Variants in ACAP3 observed in about 807,000 individuals in gnomAD.
ACAP3 encodes the protein ArfGAP with coiled-coil, ankyrin repeat and PH domains 3, also known as arf-GAP with coiled-coil, ANK repeat and PH domain-containing protein 3.
Under a neutral mutation model 104.1 loss-of-function variants are expected in ACAP3, and 56 were observed. The observed-to-expected ratio is 0.54, with a 90% CI of 0.43 to 0.67. The LOEUF (loss-of-function observed/expected upper bound fraction) is 0.67, where lower values mean the gene tolerates loss of function less well. Among genes scored for constraint, ACAP3 ranks in the 30% least tolerant of loss-of-function variants. The probability of loss-of-function intolerance (pLI) is 0.00; values close to 1 mark genes in which losing one functional copy is unlikely to be tolerated. For missense variants in ACAP3, 1,208 were observed against 1,174.9 expected (o/e 1.03, Z -0.41); for synonymous variants, 628 against 496.2 (o/e 1.27, Z -3.53).
At chr1:1,299,118 C>T (rs1362055951) in intron 10 of ACAP3, 2 of 609,458 alleles carry the variant, frequency 3.3e-6, no homozygotes, top group African/African-American at 3.9e-5. Context: ...GGGGCGGCCA[C>T]CTGCTCCCCA....
chr1:1,294,299 C>T (rs1052565839), intron 21 of ACAP3, 100 bp from the exon 22 acceptor site: 46 of 1,513,094 alleles, frequency 3.0e-5, no homozygotes, highest in Middle Eastern at 1.7e-4. Flanking sequence ...CGGGACCGAA[C>T]GTGGTCCCCA....
At chr1:1,299,173 G>A (rs896465236) in intron 10 of ACAP3, 172 bp downstream of exon 10, 2 of 847,274 alleles carry the variant, frequency 2.4e-6, no homozygotes, top group African/African-American at 1.7e-5. Context: ...ACCCCACGGG[G>A]AATGTGGAGG....
In ACAP3 at chr1:1,294,442, T is replaced by C; in HGVS notation, c.2099A>G (p.Glu700Gly). The C allele has an allele frequency of 6.3e-7, 1 of 1,575,450 alleles. No homozygotes were observed. Among genetic ancestry groups the C allele is most frequent in the Non-Finnish European group, 8.6e-7 (1 of 1,166,764 alleles). Reference sequence around the variant, plus strand: ...CACCAGCGGCGTCTTGCCCTCATCCTCCGCGTCCGCCCAGTTGACCTCGGC... The same window carrying C: ...CACCAGCGGCGTCTTGCCCTCATCCCCCGCGTCCGCCCAGTTGACCTCGGC... ...HGAEVNWADA[E>G]DEGKTPLVQA... Residue 700 changes from glutamate to glycine, a missense_variant, in exon 21 of 24, where the codon GAG (glutamate) becomes GGG (glycine). Physicochemically the swap from Glu to Gly is moderately conservative, Grantham distance 98. Coordinates refer to ENST00000354700, the MANE Select transcript of ACAP3 (RefSeq NM_030649.3).
intron 1 of ACAP3, among the ~76,000 whole-genome samples, chr1:1,306,633 G>A (rs374700651): frequency 3.3e-5 from 5 of 152,170 alleles, no homozygotes; most frequent in African/African-American, 9.7e-5. Flanking sequence ...ATGCTGACTT[G>A]CCAGCAGATC....
Position 1,299,960 on chromosome 1 carries a change from C to T in ACAP3, c.663+13G>A, listed in dbSNP as rs1641372732. The T allele has an allele frequency of 6.2e-7, 1 of 1,606,270 alleles. No individual in the cohort carries two copies. ...GGAGGCCTGGCCCAGCCCCACCCCT[C>T]CCAAAGGCTCACCTCGGCTGCCAGC... On this transcript the variant is annotated intron_variant, in intron 8 of 23. Coordinates refer to ENST00000354700, the MANE Select transcript of ACAP3 (RefSeq NM_030649.3).
chr1:1,298,880 G>A (rs1247473627), intron 10 of ACAP3: 2 of 590,482 alleles, frequency 3.4e-6, no homozygotes, highest in East Asian at 5.8e-5. Context: ...CAACCCGTGG[G>A]GCAGACCCCT....
Position 1,298,638 on chromosome 1 carries a change from G to A in ACAP3, c.792C>T (p.Asp264=), listed in dbSNP as rs202006402. 36 of 1,612,292 alleles carry A rather than the reference G, an allele frequency of 2.2e-5. No homozygotes were observed. Among genetic ancestry groups the A allele is most frequent in the Middle Eastern group, 1.7e-4 (1 of 6,054 alleles). The part of the protein sequence containing the change: ...YDESKVEFDV[D]APSGVVMEGY... ...CCTCCATCACCACCCCACTGGGCGCGTCCACGTCAAACTCCACTTTGGACT... is the reference window on the plus strand; with the variant it reads ...CCTCCATCACCACCCCACTGGGCGCATCCACGTCAAACTCCACTTTGGACT... Residue 264 remains aspartate (D), a synonymous_variant, in exon 11 of 24, where the codon GAC becomes GAT. Coordinates refer to ENST00000354700, the MANE Select transcript of ACAP3 (RefSeq NM_030649.3).
Position 1,295,440 on chromosome 1 carries a change from C to T in ACAP3, c.1813+7G>A. 1 of 1,612,166 alleles carries T rather than the reference C, an allele frequency of 6.2e-7. No homozygotes were observed. On this transcript the variant is annotated splice_region_variant and intron_variant, in intron 19 of 23. Coordinates refer to ENST00000354700, the MANE Select transcript of ACAP3 (RefSeq NM_030649.3). Reference sequence around the variant, plus strand: ...CTGCCACCTGGCTGGGCCCACCCCACACTTACTGCGAGGGCCAGCCCCTGC... The same window carrying T: ...CTGCCACCTGGCTGGGCCCACCCCATACTTACTGCGAGGGCCAGCCCCTGC...
Position 1,294,605 on chromosome 1 carries a change from T to G in ACAP3, c.1936A>C (p.Ser646Arg). The change falls in exon 21 of 24, where the codon AGC (serine) becomes CGC (arginine). Residue 646 changes from serine to arginine, a missense_variant. Ser to Arg is a moderately radical substitution (Grantham distance 110). Transcript: ENST00000354700. ...EEEGAESEES[S>R]GEADGDTEAE... The stretch of plus-strand genomic sequence containing the variant: ...TCAGTGTCCCCGTCTGCCTCACCGC[T>G]GGACTCCTCCGACTCTGCACCCTCT... The G allele has an allele frequency of 1.3e-6, 2 of 1,526,480 alleles. No individual in the cohort carries two copies. Among genetic ancestry groups the G allele is most frequent in the African/African-American group, 2.8e-5 (2 of 72,236 alleles). 94.6% of individuals were successfully genotyped at this position (1,526,480 alleles called of 1,614,324 possible). A position where few individuals can be genotyped will look rare whatever the true frequency, so the allele number is the denominator to read the frequency against.
At chr1:1,306,091 C>T (rs541512813) in intron 1 of ACAP3, among the ~76,000 whole-genome samples, 1 of 152,336 alleles carries the variant, frequency 6.6e-6, no homozygotes, top group Non-Finnish European at 1.5e-5. Flanking sequence ...CCAGGCCATT[C>T]TCATCTCCCC....
At chr1:1,299,560 A>AC (rs1435284038) in intron 9 of ACAP3, 3 of 753,002 alleles carry the variant, frequency 4.0e-6, no homozygotes, top group Non-Finnish European at 6.3e-6. Context: ...CTGCTGTCCC[A>AC]CAGGCAAGCA....
At chr1:1,298,165 C>A (rs148086102) in intron 12 of ACAP3, 52 bp from the exon 13 acceptor site, 9 of 1,567,236 alleles carry the variant, frequency 5.7e-6, no homozygotes, top group Non-Finnish European at 6.9e-6. Flanking sequence ...CCGGCCCCGA[C>A]CACCCACTTC....
At position 1,304,161 on chromosome 1, in the gene ACAP3, C is replaced by A. The variant is rs1264670601; in HGVS notation, c.48-18G>T. ...TGGTCGCCCTAAAGCAAGAACGGGG[C>A]TGGCTGGGGTCACCTGCAGCCTCAG... is the stretch of plus-strand genomic sequence containing the variant. On this transcript the variant is annotated intron_variant, in intron 1 of 23. Coordinates refer to ENST00000354700, the MANE Select transcript of ACAP3 (RefSeq NM_030649.3). The A allele has an allele frequency of 6.4e-7, 1 of 1,550,390 alleles. No homozygotes were observed. Among genetic ancestry groups the A allele is most frequent in the Non-Finnish European group, 8.7e-7 (1 of 1,146,812 alleles).
At position 1,294,276 on chromosome 1, in the gene ACAP3, G is replaced by A. The variant is rs1263118020; in HGVS notation, c.2140-77C>T. The A allele has an allele frequency of 6.9e-5, 104 of 1,516,814 alleles. 1 individual carries two copies. In the East Asian group the frequency reaches 2.2e-3, roughly 32 times the overall value. 94.0% of individuals were successfully genotyped at this position (1,516,814 alleles called of 1,614,324 possible). A position where few individuals can be genotyped will look rare whatever the true frequency, so the allele number is the denominator to read the frequency against. The stretch of plus-strand genomic sequence containing the variant: ...GCCTCTGCACCCTGACCCCGGCCTT[G>A]GGCGCCCCCAGCCGGGACCGAACGT... On this transcript the variant is annotated intron_variant, in intron 21 of 23. Coordinates refer to ENST00000354700, the MANE Select transcript of ACAP3 (RefSeq NM_030649.3).
At chr1:1,299,562 A>AG in intron 9 of ACAP3, 2 of 724,456 alleles carry the variant, frequency 2.8e-6, no homozygotes, top group Non-Finnish European at 4.5e-6. Flanking sequence ...GCTGTCCCAC[A>AG]GGCAAGCAAA....
rs72896223 is a variant in ACAP3 at position 1,298,051 on chromosome 1, G to T, written c.978C>A (p.Ile326=). ...RLCSVKPCED[I]ERRFCFEVLS... ...GCACCTCGAAGCAGAACCTCCGCTC[G>T]ATGTCCTCACACGGCTTCACAGAGC... Residue 326 remains isoleucine, a synonymous_variant, in exon 13 of 24, where the codon ATC becomes ATA. Transcript: ENST00000354700. 2 of 1,611,536 alleles carry T rather than the reference G, an allele frequency of 1.2e-6. No homozygotes were observed. The highest frequency in any genetic ancestry group is 2.2e-5 in the East Asian group (1 of 44,822).
chr1:1,293,467 G>T lies in ACAP3; in HGVS notation c.*97C>A. ...TGGGGCTGCCAGGTATCGACCCGCG[G>T]GTCACACGCAGGGCCGCGGCCGGGT... On this transcript the variant is annotated 3_prime_UTR_variant, in exon 24 of 24. Coordinates refer to ENST00000354700, the MANE Select transcript of ACAP3 (RefSeq NM_030649.3). 4 of 1,251,442 alleles carry T rather than the reference G, an allele frequency of 3.2e-6. No homozygotes were observed. Among genetic ancestry groups the T allele is most frequent in the Middle Eastern group, 3.1e-4 (1 of 3,252 alleles). 77.5% of individuals were successfully genotyped at this position (1,251,442 alleles called of 1,614,324 possible). A position where few individuals can be genotyped will look rare whatever the true frequency, so the allele number is the denominator to read the frequency against.
Position 1,303,019 on chromosome 1 carries a change from G to A in ACAP3, c.226-44C>T. The A allele has an allele frequency of 6.3e-7, 1 of 1,586,716 alleles. No homozygotes were observed. Among genetic ancestry groups the A allele is most frequent in the Non-Finnish European group, 8.6e-7 (1 of 1,165,700 alleles). ...ACCCGTGCTGAGATGGCAAATCCGG[G>A]CCCAGGTCACCCAGCCACGCCCTCT... On this transcript the variant is annotated intron_variant, in intron 3 of 23. Coordinates refer to ENST00000354700, the MANE Select transcript of ACAP3 (RefSeq NM_030649.3). This position sits in a 1 kb window ranked among gnomAD's most constrained non-coding sequence, Gnocchi z 4.0.
intron 5 of ACAP3, 72 bp from the exon 6 acceptor site, chr1:1,300,764 GTTGT>G (rs1424451717): frequency 1.7e-5 from 26 of 1,498,454 alleles, no homozygotes; most frequent in African/African-American, 7.2e-5. Flanking sequence ...CTCCCACATC[GTTGT>G]TTGTGTGTTT....
Sources: allele counts gnomAD v4.1 joint callset (sites outside exome capture counted in the v4.1 genomes callset), GRCh38; gene constraint gnomAD v4.1.1; non-coding constraint Gnocchi (gnomAD v3.1); transcripts MANE v1.5; gene names NCBI Gene and HGNC (gene_info 2026-07-23, HGNC 2026-07-21).